Variants in SH3BP4 observed in about 807,000 individuals in gnomAD.
The protein encoded by SH3BP4 is SH3 domain binding protein 4.
A neutral mutation model predicts 65.5 loss-of-function variants in SH3BP4; 33 were observed. The ratio of observed to expected loss-of-function variants is 0.50; its 90% confidence interval spans 0.38 to 0.67. SH3BP4 has a LOEUF of 0.67. Ranked by LOEUF, SH3BP4 falls within the 30% of genes least tolerant of loss-of-function variation. The probability of loss-of-function intolerance (pLI) is 0.00; values close to 1 mark genes in which losing one functional copy is unlikely to be tolerated. For synonymous variants in SH3BP4, 552 were observed against 545.5 expected (o/e 1.01, Z -0.17); for missense variants, 1,134 against 1,261.4 (o/e 0.90, Z 1.53).
chr2:235,040,228 C>G (rs1298308178), intron 3 of SH3BP4, among the ~76,000 whole-genome samples: 1 of 150,146 alleles, frequency 6.7e-6, no homozygotes, highest in Non-Finnish European at 1.5e-5. Context: ...GAGTGAGACA[C>G]TGTCTCATAA....
rs972259988 is a variant in SH3BP4 at position 234,989,352 on chromosome 2, C to T, written c.-206-5951C>T. Reference sequence around the variant, plus strand: ...CCTTGAAATGGATGTTGGGCCCGTTCCCGTCTCCCTTTCTGACCACACCTA... The same window carrying T: ...CCTTGAAATGGATGTTGGGCCCGTTTCCGTCTCCCTTTCTGACCACACCTA... On this transcript the variant is annotated intron_variant, in intron 1 of 5. Coordinates refer to ENST00000392011, the MANE Select transcript of SH3BP4 (RefSeq NM_014521.3). Among the ~76,000 whole-genome samples the T allele has an allele frequency of 2.6e-5, 4 of 152,292 alleles. No individual in the cohort carries two copies. In the South Asian group the frequency reaches 6.2e-4, roughly 24 times the overall value.
intron 3 of SH3BP4, among the ~76,000 whole-genome samples, chr2:235,036,740 A>AAAAAAAAAAAATAAT (rs146049108): frequency 1.4e-5 from 2 of 141,770 alleles, no homozygotes; most frequent in East Asian, 2.1e-4. Context: ...TCTATATAAA[A>AAAAAAAAAAAATAAT]AATAATAATA....
chr2:234,979,926 G>A (rs2106255539), intron 1 of SH3BP4: 1 of 152,366 alleles, frequency 6.6e-6, no homozygotes, highest in South Asian at 2.1e-4. Context: ...AGGCCCTGAA[G>A]AAGAGAGTCT....
chr2:235,045,664 C>G lies in SH3BP4; in HGVS notation c.2478+2417C>G, dbSNP rs1351631151. On this transcript the variant is annotated intron_variant, in intron 4 of 5. Coordinates refer to ENST00000392011, the MANE Select transcript of SH3BP4 (RefSeq NM_014521.3). The surrounding 1 kb of genome is among the most constrained non-coding windows in gnomAD (Gnocchi z 4.3). ...ATCATCTTGGCCAAACTTATAGAAA[C>G]CACAGACGGATTTCTCCCAGGTCGT... Among the ~76,000 whole-genome samples the G allele has an allele frequency of 1.4e-5, 2 of 139,862 alleles. No individual in the cohort carries two copies. The highest frequency in any genetic ancestry group is 2.6e-5 in the African/African-American group (1 of 39,040). The allele number at this position is 139,862 out of a possible 152,430, so 91.8% of individuals were successfully genotyped here.
Position 234,977,016 on chromosome 2 carries a change from C to T in SH3BP4, c.-206-18287C>T, listed in dbSNP as rs886469883. Among the ~76,000 whole-genome samples the T allele has an allele frequency of 1.3e-5, 2 of 152,240 alleles. No individual in the cohort carries two copies. Among genetic ancestry groups the T allele is most frequent in the Non-Finnish European group, 2.9e-5 (2 of 68,048 alleles). On this transcript the variant is annotated intron_variant, in intron 1 of 5. Transcript: ENST00000392011. The surrounding 1 kb of genome is among the most constrained non-coding windows in gnomAD (Gnocchi z 5.1). ...CATCCATTGTGACAAAGGTGCCGTC[C>T]TCCTGTAAGACACTCACAGGGAAGC...
At chr2:234,979,219 A>G (rs910838548) in intron 1 of SH3BP4, among the ~76,000 whole-genome samples, 1 of 152,236 alleles carries the variant, frequency 6.6e-6, no homozygotes, top group African/African-American at 2.4e-5. Context: ...ACTCAGGCCA[A>G]GAAATGGAAC....
chr2:235,034,634 C>T lies in SH3BP4; in HGVS notation c.-132-237C>T, dbSNP rs563479121. On this transcript the variant is annotated intron_variant, in intron 2 of 5. Coordinates refer to ENST00000392011, the MANE Select transcript of SH3BP4 (RefSeq NM_014521.3). This position sits in a 1 kb window ranked among gnomAD's most constrained non-coding sequence, Gnocchi z 6.2. ...CCTAAGAAGAGCAGGTGCAAACAGC[C>T]GGCCAGAAAACACTGCTTGGGCTGT... 1.9e-4 allele frequency among the ~76,000 whole-genome samples: 29 copies of T among 152,284 alleles called. No individual in the cohort carries two copies. Among genetic ancestry groups the T allele is most frequent in the African/African-American group, 5.1e-4 (21 of 41,564 alleles).
chr2:235,016,615 T>A (rs1262725827), intron 2 of SH3BP4, among the ~76,000 whole-genome samples: 1 of 152,162 alleles, frequency 6.6e-6, no homozygotes, highest in Non-Finnish European at 1.5e-5. Context: ...TTCAAGCGAT[T>A]CTCCTGCCTC....
In SH3BP4 at chr2:234,988,259, C is replaced by A. The variant is rs543440133; in HGVS notation, c.-206-7044C>A. Among the ~76,000 whole-genome samples, 10 of 152,232 alleles carry A rather than the reference C, an allele frequency of 6.6e-5. No individual in the cohort carries two copies. In the South Asian group the frequency reaches 2.1e-3, roughly 32 times the overall value. The stretch of plus-strand genomic sequence containing the variant: ...TATTTTTAGTAGAGACAGGGTTTCA[C>A]CGTGTTAGCCAGGATAGTCTTGATC... On this transcript the variant is annotated intron_variant, in intron 1 of 5. Coordinates refer to ENST00000392011, the MANE Select transcript of SH3BP4 (RefSeq NM_014521.3).
chr2:235,031,219 G>T (rs1695193051), intron 2 of SH3BP4, among the ~76,000 whole-genome samples: 1 of 152,090 alleles, frequency 6.6e-6, no homozygotes, highest in Admixed American at 6.5e-5. Context: ...CACAGTTGTT[G>T]ACTCGTCTTC....
At position 235,038,399 on chromosome 2, in the gene SH3BP4, A is replaced by T. The variant is rs1377704419; in HGVS notation, c.119-2489A>T. Among the ~76,000 whole-genome samples, 12 of 82,608 alleles carry T rather than the reference A, an allele frequency of 1.5e-4. No homozygotes were observed. The South Asian group carries it at 2.2e-3, about 15-fold the overall frequency. 54.2% of individuals were successfully genotyped at this position (82,608 alleles called of 152,430 possible). A position where few individuals can be genotyped will look rare whatever the true frequency, so the allele number is the denominator to read the frequency against. ...TACATATATATATATATATATATATATATATATATATATATATGAGGTATG... is the reference window on the plus strand; with the variant it reads ...TACATATATATATATATATATATATTTATATATATATATATATGAGGTATG... On this transcript the variant is annotated intron_variant, in intron 3 of 5. Coordinates refer to ENST00000392011, the MANE Select transcript of SH3BP4 (RefSeq NM_014521.3).
At position 234,952,703 on chromosome 2, in the gene SH3BP4, A is replaced by C. The variant is rs1004024586; in HGVS notation, c.-207+533A>C. 2 of 152,188 alleles carry C rather than the reference A, an allele frequency of 1.3e-5. No homozygotes were observed. Among genetic ancestry groups the C allele is most frequent in the Non-Finnish European group, 2.9e-5 (2 of 67,994 alleles). The allele number at this position is 152,188 out of a possible 1,614,324, so 9.4% of individuals were successfully genotyped here. ...CTTGTTGGTGACAATGCATATTTCA[A>C]CTTCTTCGGAGATCCCTCCTGTGAG... is the stretch of plus-strand genomic sequence containing the variant. On this transcript the variant is annotated intron_variant, in intron 1 of 5. Transcript: ENST00000392011. The surrounding 1 kb of genome is among the most constrained non-coding windows in gnomAD (Gnocchi z 6.5).
rs10179920 is a variant in SH3BP4 at position 235,046,198 on chromosome 2, G to A, written c.2478+2951G>A. On this transcript the variant is annotated intron_variant, in intron 4 of 5. Transcript: ENST00000392011. This position sits in a 1 kb window ranked among gnomAD's most constrained non-coding sequence, Gnocchi z 4.2. ...TCCCTCAGCTGCCAGCTCAAATGCC[G>A]TCTCTCCAGGACGTCCTTCTCTGCA... Among the ~76,000 whole-genome samples, 4,723 of 152,168 alleles carry A rather than the reference G, an allele frequency of 0.031. 230 individuals are homozygous for A. Among genetic ancestry groups the A allele is most frequent in the African/African-American group, 0.11 (4,363 of 41,484 alleles).
chr2:235,051,888 C>T (rs916132097), intron 4 of SH3BP4, among the ~76,000 whole-genome samples: 15 of 152,110 alleles, frequency 9.9e-5, no homozygotes, highest in Admixed American at 3.3e-4. Flanking sequence ...CTCTGGTGTC[C>T]CCAGAGAGTG....
rs1692880316 is a variant in SH3BP4, at chr2:234,967,884, T to G, written c.-207+15714T>G. On this transcript the variant is annotated intron_variant, in intron 1 of 5. Coordinates refer to ENST00000392011, the MANE Select transcript of SH3BP4 (RefSeq NM_014521.3). This position sits in a 1 kb window ranked among gnomAD's most constrained non-coding sequence, Gnocchi z 4.6. ...TGAGAAGCTTGCCCTCAGGTATCTG[T>G]ACTTTGTGGGGCTTCTCTGATTGGC... Among the ~76,000 whole-genome samples, 1 of 152,196 alleles carries G rather than the reference T, an allele frequency of 6.6e-6. No individual in the cohort carries two copies. Among genetic ancestry groups the G allele is most frequent in the Non-Finnish European group, 1.5e-5 (1 of 68,036 alleles).
chr2:234,996,246 C>T (rs1288593819), intron 2 of SH3BP4, among the ~76,000 whole-genome samples: 2 of 152,184 alleles, frequency 1.3e-5, no homozygotes, highest in Admixed American at 6.5e-5. Flanking sequence ...GGATTCCTTT[C>T]TGGGCCACGT....
chr2:235,024,356 C>T (rs1430919892), intron 2 of SH3BP4, among the ~76,000 whole-genome samples: 1 of 152,176 alleles, frequency 6.6e-6, no homozygotes, highest in Non-Finnish European at 1.5e-5. Context: ...GGTGTGTTGG[C>T]GCTTTTTCAG....
rs117972083 is a variant in SH3BP4, at chr2:234,998,654, T to A, written c.-133+3278T>A. Among the ~76,000 whole-genome samples the A allele has an allele frequency of 4.3e-3, 662 of 152,348 alleles. 14 individuals carry two copies. Among genetic ancestry groups the A allele is most frequent in the Admixed American group, 0.036 (554 of 15,310 alleles). On this transcript the variant is annotated intron_variant, in intron 2 of 5. Transcript: ENST00000392011. Reference sequence around the variant, plus strand: ...GTCCTGTGTCACCACCGCCTCTCTCTCGTTTCAAAACTTCGTCATCACCCT... The same window carrying A: ...GTCCTGTGTCACCACCGCCTCTCTCACGTTTCAAAACTTCGTCATCACCCT...
intron 2 of SH3BP4, among the ~76,000 whole-genome samples, chr2:235,023,732 T>G (rs1034175141): frequency 6.6e-6 from 1 of 152,238 alleles, no homozygotes; most frequent in Middle Eastern, 3.2e-3. Context: ...AAAAGGTATT[T>G]TTTTGAAAAC....
Sources: gnomAD v4.1 joint callset for allele counts (sites outside exome capture counted in the v4.1 genomes callset) on GRCh38, gnomAD v4.1.1 for gene constraint, Gnocchi (gnomAD v3.1) non-coding constraint, MANE v1.5 for transcripts, NCBI Gene and HGNC (gene_info 2026-07-23, HGNC 2026-07-21) for gene names.